The following RTN1 variants were observed in gnomAD, a reference collection of about 807,000 sequenced individuals.
RTN1 encodes the protein reticulon 1, also known as reticulon-1.
In RTN1, 25 loss-of-function variants were observed where a neutral mutation model predicts 65.5. The observed-to-expected ratio is 0.38, with a 90% CI of 0.28 to 0.53. The LOEUF is 0.53. RTN1 is among the 20% of genes least tolerant of loss of function. RTN1 has a pLI of 0.79. For missense variants in RTN1, 983 were observed against 1,025.4 expected, an observed-to-expected ratio of 0.96 and a Z score of 0.57; for synonymous variants, 471 against 447.6, an observed-to-expected ratio of 1.05 and a Z score of -0.66.
At chr14:59,853,445 G>A (rs1328814277) in intron 1 of RTN1, among the ~76,000 whole-genome samples, 1 of 152,104 alleles carries the variant, frequency 6.6e-6, no homozygotes, top group East Asian at 1.9e-4. Flanking sequence ...AACCCTTCAT[G>A]TATTTTTAGA....
chr14:59,791,084 T>C (rs564367818), intron 1 of RTN1, among the ~76,000 whole-genome samples: 1 of 152,304 alleles, frequency 6.6e-6, no homozygotes, highest in South Asian at 2.1e-4. Flanking sequence ...TAAATTTCTT[T>C]ATAGCGAAAA....
intron 3 of RTN1, among the ~76,000 whole-genome samples, chr14:59,667,173 C>T (rs930708562): frequency 3.9e-5 from 6 of 152,056 alleles, no homozygotes; most frequent in African/African-American, 1.4e-4. Flanking sequence ...GAATTTTAGA[C>T]CAATATCCCT....
rs1887836347 is a variant in RTN1 at position 59,868,533 on chromosome 14, A to C, written c.241+1857T>G. 6.6e-6 allele frequency among the ~76,000 whole-genome samples: 1 copy of C among 152,220 alleles called. No homozygotes were observed. Among genetic ancestry groups the C allele is most frequent in the Non-Finnish European group, 1.5e-5 (1 of 68,042 alleles). ...TGCACTGTACATTTTGAAATTGCTA[A>C]AAGAGTAAATTTTAAACGCTTTTAC... is the stretch of plus-strand genomic sequence containing the variant. On this transcript the variant is annotated intron_variant, in intron 1 of 8. Coordinates refer to ENST00000267484, the MANE Select transcript of RTN1 (RefSeq NM_021136.3). This position sits in a 1 kb window ranked among gnomAD's most constrained non-coding sequence, Gnocchi z 4.0.
In RTN1 at chr14:59,603,277, A is replaced by G; in HGVS notation, c.2183-19T>C. On this transcript the variant is annotated intron_variant, in intron 6 of 8. Transcript: ENST00000267484. ...ACCACAGCTGGGATGAAAAACAAATATAGTATTAAAATTCTGAGTTATCAA... is the reference window on the plus strand; with the variant it reads ...ACCACAGCTGGGATGAAAAACAAATGTAGTATTAAAATTCTGAGTTATCAA... 6.2e-7 allele frequency: 1 copy of G among 1,601,846 alleles called. No homozygotes were observed. Among genetic ancestry groups the G allele is most frequent in the East Asian group, 2.2e-5 (1 of 44,766 alleles).
chr14:59,832,480 C>A (rs1356340072), intron 1 of RTN1, among the ~76,000 whole-genome samples: 2 of 152,206 alleles, frequency 1.3e-5, no homozygotes, highest in African/African-American at 4.8e-5. Flanking sequence ...CAGCAATTCT[C>A]CCTTACAGCA....
At chr14:59,726,749 G>A (rs1054414990) in intron 3 of RTN1, among the ~76,000 whole-genome samples, 170 bp downstream of exon 3, 9 of 152,112 alleles carry the variant, frequency 5.9e-5, no homozygotes, top group African/African-American at 1.9e-4. Context: ...TGTCCCAGCT[G>A]CAGATCTGAA....
intron 3 of RTN1, among the ~76,000 whole-genome samples, chr14:59,652,734 C>G (rs1883044605): frequency 6.6e-6 from 1 of 151,938 alleles, no homozygotes; most frequent in African/African-American, 2.4e-5. Flanking sequence ...AGGCTTAGTA[C>G]CTGGCTCATG....
chr14:59,833,833 C>T lies in RTN1; in HGVS notation c.241+36557G>A, dbSNP rs1047175758. On this transcript the variant is annotated intron_variant, in intron 1 of 8. Transcript: ENST00000267484. ...TAAGAAAGGTCACACAGTCATTTTACTCCCCAAAGCAAATGCTATCTCTGA... is the reference window on the plus strand; with the variant it reads ...TAAGAAAGGTCACACAGTCATTTTATTCCCCAAAGCAAATGCTATCTCTGA... Among the ~76,000 whole-genome samples the T allele has an allele frequency of 4.6e-5, 7 of 152,174 alleles. 1 individual carries two copies. In the East Asian group the frequency reaches 9.6e-4, roughly 21 times the overall value.
chr14:59,742,407 ACT>A (rs1885132542), intron 2 of RTN1, among the ~76,000 whole-genome samples: 1 of 152,146 alleles, frequency 6.6e-6, no homozygotes, highest in Non-Finnish European at 1.5e-5. Context: ...AAATTGCTTC[ACT>A]TTTTTCATGA....
rs1311359280 is a variant in RTN1, at chr14:59,816,418, C to T, written c.241+53972G>A. ...CTAATTGCCTGCCTTCTCCAATCCT[C>T]GGAGAGCTCCTAGGAAACAAGAATG... On this transcript the variant is annotated intron_variant, in intron 1 of 8. Transcript: ENST00000267484. The surrounding 1 kb of genome is among the most constrained non-coding windows in gnomAD (Gnocchi z 4.3). 6.6e-6 allele frequency among the ~76,000 whole-genome samples: 1 copy of T among 152,328 alleles called. No individual in the cohort carries two copies. The highest frequency in any genetic ancestry group is 2.4e-5 in the African/African-American group (1 of 41,580).
In RTN1 at chr14:59,749,408, AT is replaced by A. The variant is rs1566711780; in HGVS notation, c.242-2928del. Among the ~76,000 whole-genome samples the A allele has an allele frequency of 1.2e-4, 8 of 68,602 alleles. 1 individual carries two copies. The highest frequency in any genetic ancestry group is 8.4e-4 in the African/African-American group (8 of 9,520). The allele number at this position is 68,602 out of a possible 152,430, so 45.0% of individuals were successfully genotyped here. A position where few individuals can be genotyped will look rare whatever the true frequency, so the allele number is the denominator to read the frequency against. On this transcript the variant is annotated intron_variant, in intron 1 of 8. Coordinates refer to ENST00000267484, the MANE Select transcript of RTN1 (RefSeq NM_021136.3). ...TCTATATATATCTATATATATCTAT[AT>A]CTATATATATCTATATATCTATATA...
intron 1 of RTN1, among the ~76,000 whole-genome samples, chr14:59,789,818 A>G (rs914105564): frequency 6.6e-6 from 1 of 152,138 alleles, no homozygotes; most frequent in Non-Finnish European, 1.5e-5. Context: ...ATAATGTAAT[A>G]AAATACACGT....
intron 3 of RTN1, among the ~76,000 whole-genome samples, chr14:59,614,157 T>A (rs1357088409): frequency 6.6e-6 from 1 of 152,152 alleles, no homozygotes; most frequent in Non-Finnish European, 1.5e-5. Flanking sequence ...TACCTTGCAA[T>A]AAAATGCAGG....
At position 59,707,426 on chromosome 14, in the gene RTN1, C is replaced by T. The variant is rs189320876; in HGVS notation, c.1765+19493G>A. On this transcript the variant is annotated intron_variant, in intron 3 of 8. Transcript: ENST00000267484. The stretch of plus-strand genomic sequence containing the variant: ...TCACAGCACTTGCCAATGCCTGATA[C>T]TATATGATGTGTGTTTATTTGTATA... Among the ~76,000 whole-genome samples, 18 of 152,306 alleles carry T rather than the reference C, an allele frequency of 1.2e-4. No homozygotes were observed. The East Asian group carries it at 3.5e-3, about 29-fold the overall frequency.
At chr14:59,604,443 C>T (rs76380140) in intron 5 of RTN1, 9,277 of 152,992 alleles carry the variant, frequency 0.061, 353 homozygotes, top group Non-Finnish European at 0.087. Context: ...TGTCTCTTTA[C>T]GGACAAGGTT....
chr14:59,679,722 C>T (rs1022917580), intron 3 of RTN1, among the ~76,000 whole-genome samples: 1 of 152,168 alleles, frequency 6.6e-6, no homozygotes, highest in Non-Finnish European at 1.5e-5. Context: ...TTAAGTTATT[C>T]ACACTCAACC....
intron 1 of RTN1, among the ~76,000 whole-genome samples, chr14:59,859,959 T>C (rs1887678953): frequency 6.6e-6 from 1 of 152,180 alleles, no homozygotes; most frequent in Non-Finnish European, 1.5e-5. Context: ...GTCAGTTTCA[T>C]AAGGGAAACA....
chr14:59,603,825 G>A lies in RTN1; in HGVS notation c.2182+27C>T, dbSNP rs375862661. On this transcript the variant is annotated intron_variant, in intron 6 of 8. Transcript: ENST00000267484. ...CGTTTTCACAGAGGGGGTGAAGGAAGACGTATACAGTCTTATCTGCTCTTA... is the reference window on the plus strand; with the variant it reads ...CGTTTTCACAGAGGGGGTGAAGGAAAACGTATACAGTCTTATCTGCTCTTA... The A allele has an allele frequency of 8.1e-5, 128 of 1,588,130 alleles. No homozygotes were observed. In the Middle Eastern group the frequency reaches 8.4e-4, roughly 10 times the overall value.
At position 59,774,404 on chromosome 14, in the gene RTN1, C is replaced by T. The variant is rs577370747; in HGVS notation, c.242-27923G>A. Reference sequence around the variant, plus strand: ...CTGAAGGGTTGGTTTCTTTCAACTTCTGCAGTCTCAGTTGTGTTGCCTGCT... The same window carrying T: ...CTGAAGGGTTGGTTTCTTTCAACTTTTGCAGTCTCAGTTGTGTTGCCTGCT... On this transcript the variant is annotated intron_variant, in intron 1 of 8. Transcript: ENST00000267484. The surrounding 1 kb of genome is among the most constrained non-coding windows in gnomAD (Gnocchi z 5.1). 4.6e-5 allele frequency among the ~76,000 whole-genome samples: 7 copies of T among 152,282 alleles called. No individual in the cohort carries two copies. The highest frequency in any genetic ancestry group is 8.8e-5 in the Non-Finnish European group (6 of 68,018).
Sources: gnomAD v4.1 joint callset for allele counts (sites outside exome capture counted in the v4.1 genomes callset) on GRCh38, gnomAD v4.1.1 for gene constraint, Gnocchi (gnomAD v3.1) non-coding constraint, MANE v1.5 for transcripts, NCBI Gene and HGNC (gene_info 2026-07-23, HGNC 2026-07-21) for gene names.